Variants in SPTBN1 observed in about 807,000 individuals in gnomAD.
SPTBN1 encodes the protein spectrin beta chain, non-erythrocytic 1.
SPTBN1 carries 32 observed loss-of-function variants against 266.4 expected under a neutral mutation model. The observed-to-expected ratio is 0.12, with a 90% CI of 0.09 to 0.16. SPTBN1 has a LOEUF of 0.16. Ranked by LOEUF, SPTBN1 falls within the 10% of genes least tolerant of loss-of-function variation. The pLI, the probability that SPTBN1 is intolerant of heterozygous loss-of-function variation, is 1.00. For synonymous variants in SPTBN1, 1,336 were observed against 1,162.2 expected (o/e 1.15, Z -3.04); for missense variants, 2,296 against 3,067.1 (o/e 0.75, Z 5.94).
intron 2 of SPTBN1, among the ~76,000 whole-genome samples, chr2:54,578,568 C>G (rs1674648286): frequency 6.6e-6 from 1 of 152,178 alleles, no homozygotes; most frequent in Non-Finnish European, 1.5e-5. Context: ...AAAACTGTTT[C>G]TAAGAGTTCA....
intron 1 of SPTBN1, among the ~76,000 whole-genome samples, chr2:54,521,456 G>A (rs966504119): frequency 6.6e-6 from 1 of 152,208 alleles, no homozygotes; most frequent in African/African-American, 2.4e-5. Flanking sequence ...GAAGAAAAAA[G>A]ATGTCTCTAC....
At chr2:54,593,224 C>T (rs1431810942) in intron 2 of SPTBN1, among the ~76,000 whole-genome samples, 1 of 152,056 alleles carries the variant, frequency 6.6e-6, no homozygotes, top group Non-Finnish European at 1.5e-5. Context: ...GTTGGGTCTT[C>T]ACACTCAGAA....
chr2:54,577,379 T>C (rs1674563593), intron 2 of SPTBN1, among the ~76,000 whole-genome samples: 1 of 152,206 alleles, frequency 6.6e-6, no homozygotes, highest in South Asian at 2.1e-4. Flanking sequence ...TTAAGCATTT[T>C]TGGCTTCTCA....
At chr2:54,598,889 G>T (rs1676284375) in intron 2 of SPTBN1, among the ~76,000 whole-genome samples, 1 of 152,186 alleles carries the variant, frequency 6.6e-6, no homozygotes, top group East Asian at 1.9e-4. Flanking sequence ...CCATCGTAAA[G>T]TCAAAAAATT....
At chr2:54,601,874 C>T (rs1241763609) in intron 3 of SPTBN1, among the ~76,000 whole-genome samples, 2 of 152,164 alleles carry the variant, frequency 1.3e-5, no homozygotes, top group African/African-American at 4.8e-5. Context: ...GACAATTCCA[C>T]CCTCACCCCA....
chr2:54,616,177 A>G (rs763216705), intron 4 of SPTBN1, 30 bp from the exon 5 acceptor site: 14 of 1,601,156 alleles, frequency 8.7e-6, no homozygotes, highest in East Asian at 2.2e-5. Context: ...TGACCCATCT[A>G]TTTGTCTAAT....
intron 1 of SPTBN1, among the ~76,000 whole-genome samples, chr2:54,466,022 T>G (rs1182009135): frequency 6.6e-6 from 1 of 152,230 alleles, no homozygotes; most frequent in Non-Finnish European, 1.5e-5. Flanking sequence ...AATAAGATGT[T>G]ATCAAGATTG....
At position 54,554,295 on chromosome 2, in the gene SPTBN1, G is replaced by A. The variant is rs1672739527; in HGVS notation, c.148+27729G>A. On this transcript the variant is annotated intron_variant, in intron 2 of 35. Coordinates refer to ENST00000356805, the MANE Select transcript of SPTBN1 (RefSeq NM_003128.3). The surrounding 1 kb of genome is among the most constrained non-coding windows in gnomAD (Gnocchi z 4.5). Reference sequence around the variant, plus strand: ...GATCTGGGGTCCATGTGTTGGTTGTGCCACTCACCAGCTGGGGCCCTGGGC... The same window carrying A: ...GATCTGGGGTCCATGTGTTGGTTGTACCACTCACCAGCTGGGGCCCTGGGC... 6.6e-6 allele frequency among the ~76,000 whole-genome samples: 1 copy of A among 152,184 alleles called. No individual in the cohort carries two copies. The highest frequency in any genetic ancestry group is 2.4e-5 in the African/African-American group (1 of 41,448).
chr2:54,567,212 C>T (rs990895268), intron 2 of SPTBN1, among the ~76,000 whole-genome samples: 4 of 151,994 alleles, frequency 2.6e-5, no homozygotes, highest in African/African-American at 9.7e-5. Flanking sequence ...GTTACTGGAC[C>T]TTAAAGTACA....
intron 1 of SPTBN1, among the ~76,000 whole-genome samples, chr2:54,459,495 C>T (rs1318561496): frequency 1.3e-5 from 2 of 152,178 alleles, no homozygotes. Context: ...GATTTTACTA[C>T]TGCTAACATA....
At chr2:54,576,854 A>G (rs1177296144) in intron 2 of SPTBN1, among the ~76,000 whole-genome samples, 1 of 152,252 alleles carries the variant, frequency 6.6e-6, no homozygotes, top group African/African-American at 2.4e-5. Flanking sequence ...AAGTGATCCC[A>G]AACATGCAAA....
intron 4 of SPTBN1, among the ~76,000 whole-genome samples, chr2:54,615,680 G>A (rs912318943): frequency 1.1e-4 from 16 of 152,162 alleles, no homozygotes; most frequent in Admixed American, 9.8e-4. Flanking sequence ...GGTGCCAGCC[G>A]ACCAGGCTTT....
chr2:54,580,830 G>A (rs1456202628), intron 2 of SPTBN1, among the ~76,000 whole-genome samples: 1 of 152,106 alleles, frequency 6.6e-6, no homozygotes, highest in Non-Finnish European at 1.5e-5. Context: ...GGGTGCACTA[G>A]CTCATCCCTG....
Position 54,629,205 on chromosome 2 carries a change from A to C in SPTBN1, c.2071A>C (p.Ser691Arg), listed in dbSNP as rs755157018. Residue 691 changes from serine (S) to arginine (R), a missense_variant, in exon 14 of 36, where the codon AGT becomes CGT. Physicochemically the swap from Ser to Arg is moderately radical, Grantham distance 110. Transcript: ENST00000356805. ...GTTCGAGGACGAGATGAGCGGCCGC[A>C]GTGGCCACTTTGAGCAGGCCATCAA... Reference protein sequence around the residue: ...RAFEDEMSGRSGHFEQAIKEG... With the variant: ...RAFEDEMSGRRGHFEQAIKEG... 4 of 1,613,572 alleles carry C rather than the reference A, an allele frequency of 2.5e-6. No individual in the cohort carries two copies. In the South Asian group the frequency reaches 4.4e-5, roughly 18 times the overall value.
chr2:54,541,373 T>C (rs1476102025), intron 2 of SPTBN1, among the ~76,000 whole-genome samples: 1 of 152,200 alleles, frequency 6.6e-6, no homozygotes, highest in Non-Finnish European at 1.5e-5. Flanking sequence ...TATGGATGCT[T>C]GTAAATAATG....
chr2:54,660,171 A>C (rs1180846067), intron 32 of SPTBN1, 172 bp downstream of exon 32: 8 of 1,517,622 alleles, frequency 5.3e-6, no homozygotes, highest in Non-Finnish European at 7.1e-6. Flanking sequence ...AAAATGTTAA[A>C]ATTTTTACTT....
At chr2:54,627,036 T>A (rs1327777280) in intron 12 of SPTBN1, among the ~76,000 whole-genome samples, 2 of 148,952 alleles carry the variant, frequency 1.3e-5, no homozygotes, top group African/African-American at 4.9e-5. Context: ...TTTCAGACAG[T>A]CCCATGAAGC....
intron 7 of SPTBN1, among the ~76,000 whole-genome samples, chr2:54,620,518 T>C (rs1432331691): frequency 6.6e-6 from 1 of 152,176 alleles, no homozygotes; most frequent in African/African-American, 2.4e-5. Context: ...GTACAGTGGC[T>C]CTCATCTGCA....
chr2:54,656,171 T>C (rs574161884), intron 29 of SPTBN1, among the ~76,000 whole-genome samples, 173 bp downstream of exon 29: 2 of 152,366 alleles, frequency 1.3e-5, no homozygotes, highest in African/African-American at 4.8e-5. Context: ...AGAAGCTTCC[T>C]ATGGCGTAGT....
Sources: allele counts gnomAD v4.1 joint callset (sites outside exome capture counted in the v4.1 genomes callset), GRCh38; gene constraint gnomAD v4.1.1; non-coding constraint Gnocchi (gnomAD v3.1); transcripts MANE v1.5; gene names NCBI Gene and HGNC (gene_info 2026-07-23, HGNC 2026-07-21).